UNC5D: variants seen among roughly 807,000 people sequenced by gnomAD.
UNC5D encodes the protein unc-5 netrin receptor D.
In UNC5D, 39 loss-of-function variants were observed where a neutral mutation model predicts 105.4. The observed-to-expected ratio is 0.37, with a 90% CI of 0.29 to 0.48. The LOEUF (loss-of-function observed/expected upper bound fraction) is 0.48, where lower values mean the gene tolerates loss of function less well. Among genes scored for constraint, UNC5D ranks in the 20% least tolerant of loss-of-function variants. UNC5D has a pLI of 0.98. For synonymous variants in UNC5D, 452 were observed against 450.4 expected (o/e 1.00, Z -0.04); for missense variants, 991 against 1,202.4 (o/e 0.82, Z 2.60).
chr8:35,425,310 A>C (rs1394179903), intron 1 of UNC5D, among the ~76,000 whole-genome samples: 3 of 152,356 alleles, frequency 2.0e-5, no homozygotes, highest in African/African-American at 4.8e-5. Flanking sequence ...CTTGGCGTAG[A>C]AACCAAGTCA....
At chr8:35,746,815 T>C (rs1830031278) in intron 11 of UNC5D, among the ~76,000 whole-genome samples, 2 of 152,218 alleles carry the variant, frequency 1.3e-5, no homozygotes, top group Non-Finnish European at 2.9e-5. Context: ...ATCCCTGCTA[T>C]TCCTGTCCAT....
intron 1 of UNC5D, among the ~76,000 whole-genome samples, chr8:35,287,955 A>C (rs1248503495): frequency 6.6e-6 from 1 of 152,180 alleles, no homozygotes; most frequent in Non-Finnish European, 1.5e-5. Flanking sequence ...AAGAAGGCCT[A>C]TGAAAATTAT....
At chr8:35,644,002 G>T (rs1204953343) in intron 4 of UNC5D, among the ~76,000 whole-genome samples, 3 of 152,070 alleles carry the variant, frequency 2.0e-5, no homozygotes, top group Admixed American at 6.6e-5. Context: ...AGCTGTTGGG[G>T]ATATTGAGCC....
chr8:35,256,939 G>A lies in UNC5D; in HGVS notation c.103+21052G>A, dbSNP rs574371343. ...AATCCATCTTTTTGGTTTTGTTTTT[G>A]GCTCTCCTGCTCTTTTTTTGTTTTT... is the stretch of plus-strand genomic sequence containing the variant. On this transcript the variant is annotated intron_variant, in intron 1 of 16. Coordinates refer to ENST00000404895, the MANE Select transcript of UNC5D (RefSeq NM_080872.4). Among the ~76,000 whole-genome samples the A allele has an allele frequency of 4.1e-5, 6 of 146,862 alleles. No individual in the cohort carries two copies. The Admixed American group carries it at 4.2e-4, about 10-fold the overall frequency.
chr8:35,692,713 C>A (rs1826491449), intron 7 of UNC5D, among the ~76,000 whole-genome samples: 1 of 152,116 alleles, frequency 6.6e-6, no homozygotes, highest in Non-Finnish European at 1.5e-5. Context: ...TCTCTAAAGT[C>A]AAGAAATGAA....
At chr8:35,536,056 T>G (rs552641016) in intron 1 of UNC5D, among the ~76,000 whole-genome samples, 1 of 152,344 alleles carries the variant, frequency 6.6e-6, no homozygotes, top group South Asian at 2.1e-4. Flanking sequence ...TCTTTCCCTG[T>G]AGCAGATTGC....
At chr8:35,336,142 ATATC>A (rs1811020175) in intron 1 of UNC5D, among the ~76,000 whole-genome samples, 1 of 152,156 alleles carries the variant, frequency 6.6e-6, no homozygotes, top group Admixed American at 6.5e-5. Flanking sequence ...GAGTTAGTAA[ATATC>A]TATGTATATA....
intron 1 of UNC5D, among the ~76,000 whole-genome samples, chr8:35,467,203 A>G (rs1456788362): frequency 6.6e-6 from 1 of 152,182 alleles, no homozygotes; most frequent in African/African-American, 2.4e-5. Flanking sequence ...AAACATGCCC[A>G]TAACTCAAGT....
At chr8:35,493,647 T>C (rs1265922526) in intron 1 of UNC5D, among the ~76,000 whole-genome samples, 1 of 152,188 alleles carries the variant, frequency 6.6e-6, no homozygotes, top group Non-Finnish European at 1.5e-5. Flanking sequence ...AAAGAGTTGT[T>C]GGTGTTACAA....
intron 4 of UNC5D, among the ~76,000 whole-genome samples, chr8:35,617,429 C>CT (rs1385071093): frequency 6.6e-6 from 1 of 152,166 alleles, no homozygotes; most frequent in African/African-American, 2.4e-5. Context: ...CCCAGCTGAT[C>CT]TTACTGCAGT....
intron 14 of UNC5D, among the ~76,000 whole-genome samples, chr8:35,763,446 CTTTT>C (rs201449850): frequency 1.6e-5 from 2 of 124,694 alleles, no homozygotes; most frequent in African/African-American, 2.9e-5. Context: ...TGGTCAGTGC[CTTTT>C]TTTTTTTTTT....
In UNC5D at chr8:35,453,811, G is replaced by T. The variant is rs929010481; in HGVS notation, c.104-95481G>T. 3.9e-5 allele frequency among the ~76,000 whole-genome samples: 6 copies of T among 151,986 alleles called. No homozygotes were observed. In the South Asian group the frequency reaches 1.2e-3, roughly 32 times the overall value. The stretch of plus-strand genomic sequence containing the variant: ...ACATCTGCCACCCACCCACTCTCCT[G>T]CCTACCAGGACATTCCTCATCTTCC... On this transcript the variant is annotated intron_variant, in intron 1 of 16. Transcript: ENST00000404895.
chr8:35,535,029 A>C (rs1300841006), intron 1 of UNC5D, among the ~76,000 whole-genome samples: 1 of 152,078 alleles, frequency 6.6e-6, no homozygotes, highest in Non-Finnish European at 1.5e-5. Context: ...AGTACCAAGT[A>C]ATATTGGTTG....
rs980988848 is a variant in UNC5D at position 35,474,895 on chromosome 8, T to A, written c.104-74397T>A. Reference sequence around the variant, plus strand: ...GGAGGCTCAGCAGAGGAGTGAATCATGCACATCCCCTTAGGTGGGGCATTG... The same window carrying A: ...GGAGGCTCAGCAGAGGAGTGAATCAAGCACATCCCCTTAGGTGGGGCATTG... On this transcript the variant is annotated intron_variant, in intron 1 of 16. Transcript: ENST00000404895. 7.2e-5 allele frequency among the ~76,000 whole-genome samples: 11 copies of A among 152,330 alleles called. No individual in the cohort carries two copies. The East Asian group carries it at 2.1e-3, about 29-fold the overall frequency.
intron 1 of UNC5D, among the ~76,000 whole-genome samples, chr8:35,471,439 TA>T (rs1462174667): frequency 1.3e-5 from 2 of 152,200 alleles, no homozygotes; most frequent in African/African-American, 4.8e-5. Flanking sequence ...GAGGTTTTTT[TA>T]ATAATTAAAG....
chr8:35,739,216 T>C (rs577988878), intron 11 of UNC5D, among the ~76,000 whole-genome samples: 1 of 152,312 alleles, frequency 6.6e-6, no homozygotes, highest in Admixed American at 6.5e-5. Context: ...GATTGTACTC[T>C]ATTCCCCAGT....
In UNC5D at chr8:35,595,649, G is replaced by C. The variant is rs1563571380; in HGVS notation, c.562G>C (p.Ala188Pro). The change falls in exon 4 of 17, where the codon GCT (alanine) becomes CCT (proline). Residue 188 changes from alanine to proline, a missense_variant. This residue lies in a region of UNC5D where 944 missense variants were observed against 1,131.6 expected (regional missense o/e 0.83). Transcript: ENST00000404895. Reference sequence around the variant, plus strand: ...CTGCCGCCCACCAGAGGGAGTCCCTGCTGCCGAGGTAAGACAGGATCCTGG... The same window carrying C: ...CTGCCGCCCACCAGAGGGAGTCCCTCCTGCCGAGGTAAGACAGGATCCTGG... ...LHCRPPEGVP[A>P]AEVEWLKNEE... The C allele has an allele frequency of 3.1e-6, 5 of 1,614,010 alleles. No individual in the cohort carries two copies. The highest frequency in any genetic ancestry group is 1.7e-5 in the Admixed American group (1 of 60,012).
At chr8:35,410,644 G>T (rs1805105437) in intron 1 of UNC5D, among the ~76,000 whole-genome samples, 1 of 152,024 alleles carries the variant, frequency 6.6e-6, no homozygotes, top group Non-Finnish European at 1.5e-5. Flanking sequence ...CAGAAACACA[G>T]TCAGAACAGA....
At chr8:35,775,159 G>T (rs939187313) in intron 16 of UNC5D, among the ~76,000 whole-genome samples, 3 of 152,014 alleles carry the variant, frequency 2.0e-5, no homozygotes, top group African/African-American at 7.2e-5. Flanking sequence ...TCTACTATCG[G>T]GTAACCCTAA....
Sources: allele counts gnomAD v4.1 joint callset (sites outside exome capture counted in the v4.1 genomes callset), GRCh38; gene constraint gnomAD v4.1.1; regional missense constraint gnomAD v4.1.1; transcripts MANE v1.5; gene names NCBI Gene and HGNC (gene_info 2026-07-23, HGNC 2026-07-21).